PRKD2: variants seen among roughly 807,000 people sequenced by gnomAD.
The protein encoded by PRKD2 is protein kinase D2.
PRKD2 carries 22 observed loss-of-function variants against 86.0 expected under a neutral mutation model. The ratio of observed to expected loss-of-function variants is 0.26; its 90% confidence interval spans 0.18 to 0.37. The LOEUF is 0.37. Ranked by LOEUF, PRKD2 falls within the 10% of genes least tolerant of loss-of-function variation. PRKD2 has a pLI of 1.00. For synonymous variants in PRKD2, 509 were observed against 510.9 expected, an observed-to-expected ratio of 1.00 and a Z score of 0.05; for missense variants, 818 against 1,199.2, an observed-to-expected ratio of 0.68 and a Z score of 4.70.
At chr19:46,689,946 GC>G (rs989848676) in intron 13 of PRKD2, among the ~76,000 whole-genome samples, 3 of 151,960 alleles carry the variant, frequency 2.0e-5, no homozygotes, top group African/African-American at 7.2e-5. Flanking sequence ...CGCCATGTTG[GC>G]CAGGCTGGTC....
chr19:46,700,606 G>A (rs986677700), intron 7 of PRKD2, among the ~76,000 whole-genome samples, 193 bp downstream of exon 7: 4 of 152,102 alleles, frequency 2.6e-5, no homozygotes, highest in African/African-American at 9.7e-5. Flanking sequence ...CACCAGCCTG[G>A]GCGACAGACC....
chr19:46,682,701 A>ATTTTTTTTTTTTTTTTTTTTTTTTTT (rs71177241), intron 14 of PRKD2, among the ~76,000 whole-genome samples: 1 of 102,874 alleles, frequency 9.7e-6, no homozygotes, highest in East Asian at 2.5e-4. Flanking sequence ...ATGTGATTCT[A>ATTTTTTTTTTTTTTTTTTTTTTTTTT]TTTTTTTTTT....
chr19:46,680,946 A>ATATATATATATATTT, intron 15 of PRKD2, among the ~76,000 whole-genome samples: 22 of 48,196 alleles, frequency 4.6e-4, no homozygotes, highest in Admixed American at 6.2e-4. Context: ...ATATATATAT[A>ATATATATATATATTT]TTTTTTTTTT....
intron 8 of PRKD2, 129 bp downstream of exon 8, chr19:46,697,604 G>T: frequency 1.3e-6 from 1 of 787,598 alleles, no homozygotes; most frequent in Non-Finnish European, 2.1e-6. Context: ...CCTCCAGCAC[G>T]GCCCAGCCCA....
At chr19:46,710,771 T>C in intron 3 of PRKD2, 136 bp downstream of exon 3, 1 of 1,009,076 alleles carries the variant, frequency 9.9e-7, no homozygotes, top group Non-Finnish European at 1.4e-6. Flanking sequence ...TTCTTCCCAT[T>C]ATTACTTCCT....
intron 14 of PRKD2, among the ~76,000 whole-genome samples, chr19:46,682,937 A>G (rs1376436566): frequency 6.6e-6 from 1 of 151,494 alleles, no homozygotes; most frequent in East Asian, 1.9e-4. Context: ...CCTGCACTCA[A>G]GTGATCCACC....
chr19:46,675,080 G>A lies in PRKD2; in HGVS notation c.2377C>T (p.Arg793Cys), dbSNP rs1361412854. 1 of 1,611,658 alleles carries A rather than the reference G, an allele frequency of 6.2e-7. No individual in the cohort carries two copies. Among genetic ancestry groups the A allele is most frequent in the Admixed American group, 1.7e-5 (1 of 59,762 alleles). Reference protein sequence around the residue: ...LINNLLQVKMRKRYSVDKSLS... With the variant: ...LINNLLQVKMCKRYSVDKSLS... ...GATTTGTCCACGCTGTAGCGTTTGC[G>A]CATCTTCACCTGCAGCAGGTTGTTG... is the stretch of plus-strand genomic sequence containing the variant. Residue 793 changes from arginine to cysteine, a missense_variant, in exon 17 of 18, where the codon CGC (arginine) becomes TGC (cysteine). Physicochemically the swap from Arg to Cys is radical, Grantham distance 180 (BLOSUM62 -3). Coordinates refer to ENST00000291281, the MANE Select transcript of PRKD2 (RefSeq NM_016457.5).
intron 14 of PRKD2, among the ~76,000 whole-genome samples, chr19:46,686,619 T>A (rs2053401650): frequency 6.6e-6 from 1 of 151,326 alleles, no homozygotes; most frequent in Non-Finnish European, 1.5e-5. Flanking sequence ...ACCACTGCAC[T>A]CCAGCCTGGG....
Position 46,704,546 on chromosome 19 carries a change from G to A in PRKD2, c.615C>T (p.His205=). The A allele has an allele frequency of 1.2e-6, 2 of 1,614,142 alleles. No individual in the cohort carries two copies. Among genetic ancestry groups the A allele is most frequent in the Non-Finnish European group, 8.5e-7 (1 of 1,180,008 alleles). ...ACTCGGAGGTGCCGAGGCGCACCGA[G>A]TGGCCACTGGCCAGAGACGTGGATG... ...RLSSTSLASG[H]SVRLGTSESL... Residue 205 remains histidine (H), a synonymous_variant, in exon 4 of 18, where the codon CAC becomes CAT. Coordinates refer to ENST00000291281, the MANE Select transcript of PRKD2 (RefSeq NM_016457.5).
intron 5 of PRKD2, among the ~76,000 whole-genome samples, chr19:46,703,958 A>AACACACACACACACAC (rs10528388): frequency 0.078 from 10,374 of 133,502 alleles, 587 homozygotes; most frequent in Non-Finnish European, 0.099. Flanking sequence ...AAACAACAAC[A>AACACACACACACACAC]ACACACACAC....
intron 3 of PRKD2, 27 bp from the exon 4 acceptor site, chr19:46,704,676 A>C: frequency 1.3e-6 from 2 of 1,571,002 alleles, no homozygotes; most frequent in South Asian, 1.2e-5. Flanking sequence ...AGAGTAAGAG[A>C]CATGGCGTCT....
chr19:46,713,800 T>TCCA, intron 2 of PRKD2, 63 bp downstream of exon 2: 1 of 1,110,306 alleles, frequency 9.0e-7, no homozygotes. Context: ...CCCTACCCTC[T>TCCA]CCTCCCCCAG....
intron 3 of PRKD2, among the ~76,000 whole-genome samples, chr19:46,710,203 C>T (rs2053784743): frequency 1.3e-5 from 2 of 150,912 alleles, no homozygotes; most frequent in Non-Finnish European, 3.0e-5. Context: ...GGCCTTTTTC[C>T]TGTTTTTGAG....
intron 8 of PRKD2, 149 bp from the exon 9 acceptor site, chr19:46,697,383 A>ACACGCCCTAACCCCAGCCCCGCCC: frequency 1.7e-6 from 1 of 583,236 alleles, no homozygotes; most frequent in Non-Finnish European, 3.0e-6. Context: ...CCACCCCACC[A>ACACGCCCTAACCCCAGCCCCGCCC]CACGCCCTAA....
In PRKD2 at chr19:46,700,960, G is replaced by C. The variant is rs2053627005; in HGVS notation, c.968-8C>G. On this transcript the variant is annotated splice_polypyrimidine_tract_variant and splice_region_variant and intron_variant, in intron 6 of 17. Coordinates refer to ENST00000291281, the MANE Select transcript of PRKD2 (RefSeq NM_016457.5). ...CCTCCTCCATCGGCACATCTGTGGG[G>C]ACGGAGGCATCAGAGGGGTCTCCAC... The C allele has an allele frequency of 6.2e-7, 1 of 1,614,204 alleles. No individual in the cohort carries two copies. Among genetic ancestry groups the C allele is most frequent in the Non-Finnish European group, 8.5e-7 (1 of 1,180,016 alleles).
intron 15 of PRKD2, among the ~76,000 whole-genome samples, chr19:46,681,192 G>A (rs1300908682): frequency 1.3e-5 from 2 of 149,890 alleles, no homozygotes; most frequent in South Asian, 2.1e-4. Flanking sequence ...TCCTGACCTC[G>A]TGAACTGCCC....
rs543637051 is a variant in PRKD2 at position 46,716,069 on chromosome 19, T to A, written c.240+62A>T. ...TTCCGCACACCAGGCCCCAGACCCCTCTGCCAGCGCCCCCTCCTTCAACCT... is the reference window on the plus strand; with the variant it reads ...TTCCGCACACCAGGCCCCAGACCCCACTGCCAGCGCCCCCTCCTTCAACCT... On this transcript the variant is annotated intron_variant, in intron 1 of 17. Transcript: ENST00000291281. The surrounding 1 kb of genome is among the most constrained non-coding windows in gnomAD (Gnocchi z 7.9). The A allele has an allele frequency of 6.3e-7, 1 of 1,587,576 alleles. No individual in the cohort carries two copies. Among genetic ancestry groups the A allele is most frequent in the South Asian group, 1.1e-5 (1 of 88,160 alleles).
At chr19:46,690,487 C>T in intron 13 of PRKD2, 113 bp downstream of exon 13, 1 of 856,226 alleles carries the variant, frequency 1.2e-6, no homozygotes. Context: ...TTCTCCCCTT[C>T]AGTCTCAACA....
intron 7 of PRKD2, among the ~76,000 whole-genome samples, chr19:46,700,051 C>A (rs1338422620): frequency 3.3e-5 from 5 of 151,476 alleles, no homozygotes; most frequent in Non-Finnish European, 7.4e-5. Flanking sequence ...GCCTGACCAA[C>A]ATGGCAAAAC....
Sources: gnomAD v4.1 joint callset for allele counts (sites outside exome capture counted in the v4.1 genomes callset) on GRCh38, gnomAD v4.1.1 for gene constraint, Gnocchi (gnomAD v3.1) non-coding constraint, MANE v1.5 for transcripts, NCBI Gene and HGNC (gene_info 2026-07-23, HGNC 2026-07-21) for gene names.